The following TMEM26 variants were observed in gnomAD, a reference collection of about 807,000 sequenced individuals.
TMEM26 encodes the protein transmembrane protein 26.
Under a neutral mutation model 28.8 loss-of-function variants are expected in TMEM26, and 38 were observed. The ratio of observed to expected loss-of-function variants is 1.32; its 90% CI spans 1.02 to 1.73. The LOEUF is 1.73. Ranked by LOEUF, TMEM26 falls within the 40% of genes most tolerant of loss-of-function variation. The probability of loss-of-function intolerance (pLI) is 0.00; values close to 1 mark genes in which losing one functional copy is unlikely to be tolerated. For missense variants in TMEM26, 518 were observed against 447.1 expected (o/e 1.16, Z -1.43); for synonymous variants, 227 against 182.9 (o/e 1.24, Z -1.95).
At chr10:61,438,615 T>C (rs1343732462) in intron 1 of TMEM26, among the ~76,000 whole-genome samples, 1 of 152,214 alleles carries the variant, frequency 6.6e-6, no homozygotes, top group Non-Finnish European at 1.5e-5. Context: ...ATGCATAACA[T>C]TTATTTCTAT....
At chr10:61,425,555 A>G (rs1839817420) in intron 4 of TMEM26, among the ~76,000 whole-genome samples, 1 of 152,172 alleles carries the variant, frequency 6.6e-6, no homozygotes, top group African/African-American at 2.4e-5. Context: ...TTGATAAAGG[A>G]CTTGTATCAA....
At chr10:61,436,801 A>G (rs1235967674) in intron 1 of TMEM26, among the ~76,000 whole-genome samples, 2 of 152,228 alleles carry the variant, frequency 1.3e-5, no homozygotes, top group Non-Finnish European at 2.9e-5. Context: ...AAAAACACCA[A>G]CAACCAACGG....
intron 4 of TMEM26, among the ~76,000 whole-genome samples, chr10:61,415,673 A>T (rs1839639675): frequency 6.6e-6 from 1 of 152,088 alleles, no homozygotes; most frequent in Admixed American, 6.6e-5. Context: ...ACTCCTTTGG[A>T]CATTACATTA....
Position 61,410,646 on chromosome 10 carries a change from G to T in TMEM26, c.783C>A (p.Val261=), listed in dbSNP as rs1184367048. Residue 261 remains valine, a synonymous_variant, in exon 6 of 6, where the codon GTC becomes GTA. Coordinates refer to ENST00000399298, the MANE Select transcript of TMEM26 (RefSeq NM_178505.8). ...SADLWNIGIS[V]FIQDGPFLVV... is the part of the protein sequence containing the mutation. ...CAAGGAAGGGGCCATCTTGTATGAA[G>T]ACGCTGATTCCGATGTTCCACAGAT... is the stretch of plus-strand genomic sequence containing the variant. The T allele has an allele frequency of 6.2e-7, 1 of 1,614,048 alleles. No individual in the cohort carries two copies. Among genetic ancestry groups the T allele is most frequent in the Non-Finnish European group, 8.5e-7 (1 of 1,180,040 alleles).
intron 4 of TMEM26, among the ~76,000 whole-genome samples, chr10:61,424,794 A>T (rs1322302267): frequency 6.6e-6 from 1 of 152,200 alleles, no homozygotes; most frequent in African/African-American, 2.4e-5. Context: ...GATTTTTGAC[A>T]AAGATGCTAA....
chr10:61,414,797 C>T (rs75122406), intron 4 of TMEM26: 4,138 of 190,364 alleles, frequency 0.022, 68 homozygotes, highest in Middle Eastern at 0.048. Flanking sequence ...CTTAGTTCCT[C>T]CTCTTAAAAA....
chr10:61,445,842 GA>G (rs1240117780), intron 1 of TMEM26, among the ~76,000 whole-genome samples: 1 of 151,952 alleles, frequency 6.6e-6, no homozygotes, highest in Non-Finnish European at 1.5e-5. Flanking sequence ...TCCACCGTTG[GA>G]AAAAAACTTA....
At chr10:61,437,323 C>T (rs1840024487) in intron 1 of TMEM26, among the ~76,000 whole-genome samples, 1 of 152,170 alleles carries the variant, frequency 6.6e-6, no homozygotes, top group Admixed American at 6.5e-5. Flanking sequence ...TCAGCAGTTA[C>T]ATTTATCTCA....
intron 1 of TMEM26, chr10:61,452,510 G>C (rs1440013372): frequency 5.2e-6 from 1 of 190,696 alleles, no homozygotes; most frequent in South Asian, 1.2e-4. Flanking sequence ...AGTAACCCGC[G>C]CACACTCACA....
intron 5 of TMEM26, among the ~76,000 whole-genome samples, chr10:61,412,590 A>C (rs188671257): frequency 1.3e-5 from 2 of 152,216 alleles, no homozygotes; most frequent in East Asian, 1.9e-4. Context: ...AGAATTCTCA[A>C]ATCAAAATTC....
chr10:61,440,792 C>T (rs1418813122), intron 1 of TMEM26, among the ~76,000 whole-genome samples: 1 of 152,136 alleles, frequency 6.6e-6, no homozygotes, highest in Non-Finnish European at 1.5e-5. Flanking sequence ...TTCTAAATAA[C>T]GCAAGCACCA....
rs149660719 is a variant in TMEM26 at position 61,413,460 on chromosome 10, T to C, written c.681A>G (p.Ala227=). The change falls in exon 5 of 6, where the codon GCA becomes GCG. Residue 227 remains alanine (A), a splice_region_variant and synonymous_variant. Transcript: ENST00000399298. ...TTGCACAAACATCAGGATACTTACCTGCCAGGTCAAGTGGAAACTGCAGCA... is the reference window on the plus strand; with the variant it reads ...TTGCACAAACATCAGGATACTTACCCGCCAGGTCAAGTGGAAACTGCAGCA... ...WSMLQFPLDL[A]VQNVVCPVSV... is the part of the protein sequence containing the mutation. 7.5e-5 allele frequency: 121 copies of C among 1,612,672 alleles called. No individual in the cohort carries two copies. The highest frequency in any genetic ancestry group is 9.7e-5 in the Non-Finnish European group (114 of 1,179,220).
rs761244993 is a variant in TMEM26, at chr10:61,428,938, T to C, written c.593A>G (p.Glu198Gly). Residue 198 changes from glutamate to glycine, a missense_variant, in exon 4 of 6, where the codon GAA becomes GGA. Transcript: ENST00000399298. The stretch of plus-strand genomic sequence containing the variant: ...AAGGAATGCTCACCTCACATTTTGT[T>C]CTTCTAGGGTCTCACTTGTGAATTC... ...ILEFTSETLE[E>G]QNVRNSPALV... 8 of 1,612,966 alleles carry C rather than the reference T, an allele frequency of 5.0e-6. No individual in the cohort carries two copies. Among genetic ancestry groups the C allele is most frequent in the Admixed American group, 1.7e-5 (1 of 59,872 alleles).
chr10:61,436,591 C>T (rs192667996), intron 1 of TMEM26, among the ~76,000 whole-genome samples: 4 of 152,096 alleles, frequency 2.6e-5, no homozygotes, highest in Admixed American at 1.3e-4. Context: ...ATATGTTTTA[C>T]GAAAAGCAAA....
At chr10:61,446,408 G>A (rs912804773) in intron 1 of TMEM26, among the ~76,000 whole-genome samples, 2 of 151,976 alleles carry the variant, frequency 1.3e-5, no homozygotes, top group African/African-American at 4.8e-5. Flanking sequence ...GCAAACCTTG[G>A]TTTCAGATAT....
intron 1 of TMEM26, among the ~76,000 whole-genome samples, chr10:61,448,461 T>C (rs984569617): frequency 5.9e-5 from 9 of 152,216 alleles, no homozygotes; most frequent in Non-Finnish European, 1.2e-4. Context: ...CTACAGTTTT[T>C]GAAAGGATCA....
rs1426712496 is a variant in TMEM26, at chr10:61,409,859, C to A, written c.*463G>T. 6.2e-6 allele frequency: 1 copy of A among 160,832 alleles called. No individual in the cohort carries two copies. Among genetic ancestry groups the A allele is most frequent in the African/African-American group, 2.4e-5 (1 of 41,490 alleles). The allele number at this position is 160,832 out of a possible 1,614,324, so 10.0% of individuals were successfully genotyped here. ...CCACAGTGAGGTAATTTTAAAGGCA[C>A]TTTTCCCTTCATTTGTTCTGCATTC... On this transcript the variant is annotated 3_prime_UTR_variant, in exon 6 of 6. Transcript: ENST00000399298.
chr10:61,425,190 C>G (rs1398664231), intron 4 of TMEM26, among the ~76,000 whole-genome samples: 2 of 152,052 alleles, frequency 1.3e-5, no homozygotes, highest in Admixed American at 6.6e-5. Context: ...TTAAAACTAT[C>G]AGATTTTGTG....
At chr10:61,450,841 G>A (rs1336604882) in intron 1 of TMEM26, among the ~76,000 whole-genome samples, 2 of 151,916 alleles carry the variant, frequency 1.3e-5, no homozygotes, top group Non-Finnish European at 2.9e-5. Context: ...TCTGACTTGT[G>A]CGGACATAAA....
Sources: allele counts gnomAD v4.1 joint callset (sites outside exome capture counted in the v4.1 genomes callset), GRCh38; gene constraint gnomAD v4.1.1; transcripts MANE v1.5; gene names NCBI Gene and HGNC (gene_info 2026-07-23, HGNC 2026-07-21).